BTBD9: variants seen among roughly 807,000 people sequenced by gnomAD.
The protein encoded by BTBD9 is BTB/POZ domain-containing protein 9.
Under a neutral mutation model 64.3 loss-of-function variants are expected in BTBD9, and 49 were observed. The ratio of observed to expected loss-of-function variants is 0.76; its 90% CI spans 0.61 to 0.97. The LOEUF is 0.97. Ranked by LOEUF, BTBD9 falls within the 50% of genes least tolerant of loss-of-function variation. The pLI is 0.00. For missense variants in BTBD9, 598 were observed against 762.1 expected (o/e 0.78, Z 2.53); for synonymous variants, 260 against 274.7 (o/e 0.95, Z 0.53).
intron 9 of BTBD9, among the ~76,000 whole-genome samples, chr6:38,202,622 C>T (rs1762506207): frequency 6.6e-6 from 1 of 152,048 alleles, no homozygotes; most frequent in Non-Finnish European, 1.5e-5. Flanking sequence ...TATCTACAGC[C>T]AACTGATACT....
chr6:38,285,257 A>G (rs1237583964), intron 8 of BTBD9, among the ~76,000 whole-genome samples: 1 of 152,162 alleles, frequency 6.6e-6, no homozygotes, highest in East Asian at 1.9e-4. Flanking sequence ...GGGACACAGA[A>G]GAGGGGAAGG....
intron 6 of BTBD9, among the ~76,000 whole-genome samples, chr6:38,352,993 C>A (rs1764582095): frequency 6.6e-6 from 1 of 152,142 alleles, no homozygotes; most frequent in Admixed American, 6.5e-5. Flanking sequence ...AAATAATTAT[C>A]CAATGATTGA....
intron 1 of BTBD9, among the ~76,000 whole-genome samples, chr6:38,602,015 G>A (rs964645339): frequency 1.2e-4 from 18 of 152,078 alleles, no homozygotes; most frequent in Non-Finnish European, 1.5e-5. Context: ...TCCACTGAAA[G>A]ATTTAAGAAA....
chr6:38,208,848 G>T (rs1022979243), intron 9 of BTBD9, among the ~76,000 whole-genome samples: 11 of 152,104 alleles, frequency 7.2e-5, no homozygotes, highest in African/African-American at 1.4e-4. Flanking sequence ...TAGGAAAAAT[G>T]GGGCCAAGTT....
intron 6 of BTBD9, among the ~76,000 whole-genome samples, chr6:38,389,212 A>G (rs956791905): frequency 6.6e-6 from 1 of 152,198 alleles, no homozygotes; most frequent in East Asian, 1.9e-4. Context: ...CCTTGCTGGG[A>G]AAGTTTCATT....
intron 1 of BTBD9, among the ~76,000 whole-genome samples, chr6:38,604,858 A>G (rs921494093): frequency 6.6e-6 from 1 of 152,164 alleles, no homozygotes; most frequent in African/African-American, 2.4e-5. Flanking sequence ...ATTAACACTT[A>G]TATTGATGTG....
chr6:38,345,137 AC>A, intron 6 of BTBD9, 44 bp from the exon 7 acceptor site: 1 of 1,279,220 alleles, frequency 7.8e-7, no homozygotes, highest in South Asian at 1.2e-5. Flanking sequence ...ATGAGCTCCC[AC>A]CACAACCAAT....
At chr6:38,408,949 C>A (rs1038209988) in intron 6 of BTBD9, among the ~76,000 whole-genome samples, 3 of 152,120 alleles carry the variant, frequency 2.0e-5, no homozygotes, top group Admixed American at 2.0e-4. Flanking sequence ...TAGAAAAAGA[C>A]CAAAGAGAAA....
chr6:38,574,820 C>A (rs1450121901), intron 6 of BTBD9, among the ~76,000 whole-genome samples: 2 of 151,692 alleles, frequency 1.3e-5, no homozygotes, highest in African/African-American at 4.8e-5. Context: ...TTGTTTTAAA[C>A]AAGAATTTGA....
At chr6:38,595,591 A>G (rs1361388632) in intron 2 of BTBD9, among the ~76,000 whole-genome samples, 1 of 152,180 alleles carries the variant, frequency 6.6e-6, no homozygotes, top group East Asian at 1.9e-4. Flanking sequence ...AAGTGAGAGG[A>G]AGAGACTGGA....
chr6:38,342,674 G>A (rs1016975774), intron 7 of BTBD9, among the ~76,000 whole-genome samples: 2 of 152,004 alleles, frequency 1.3e-5, no homozygotes, highest in African/African-American at 4.8e-5. Context: ...ATATTTCACA[G>A]GATATAAGAA....
chr6:38,290,104 G>T (rs1761900152), intron 7 of BTBD9, among the ~76,000 whole-genome samples: 1 of 150,194 alleles, frequency 6.7e-6, no homozygotes. Context: ...CATCTCGTAT[G>T]CCTTCACTAA....
chr6:38,345,145 C>T (rs1764231455), intron 6 of BTBD9, 52 bp from the exon 7 acceptor site: 1 of 1,209,410 alleles, frequency 8.3e-7, no homozygotes, highest in African/African-American at 1.5e-5. Flanking sequence ...CCACCACAAC[C>T]AATCCAAGGA....
At chr6:38,616,708 C>G (rs1004750914) in intron 1 of BTBD9, among the ~76,000 whole-genome samples, 2 of 152,078 alleles carry the variant, frequency 1.3e-5, no homozygotes, top group South Asian at 2.1e-4. Context: ...AGGACAGAAA[C>G]GAAACATGGG....
At chr6:38,212,934 A>G (rs772500004) in intron 9 of BTBD9, among the ~76,000 whole-genome samples, 15 of 152,178 alleles carry the variant, frequency 9.9e-5, no homozygotes, top group Non-Finnish European at 2.1e-4. Context: ...TTCAAATGTT[A>G]AGAATTTGGC....
At chr6:38,406,886 T>C (rs1582378107) in intron 6 of BTBD9, among the ~76,000 whole-genome samples, 1 of 152,084 alleles carries the variant, frequency 6.6e-6, no homozygotes, top group Admixed American at 6.5e-5. Flanking sequence ...TATAAGCGAG[T>C]GCCACTATGC....
chr6:38,426,018 T>A (rs1768132532), intron 6 of BTBD9, among the ~76,000 whole-genome samples: 1 of 151,494 alleles, frequency 6.6e-6, no homozygotes, highest in Non-Finnish European at 1.5e-5. Flanking sequence ...GCTACGTGTG[T>A]CATAATTCTT....
intron 6 of BTBD9, among the ~76,000 whole-genome samples, chr6:38,463,764 G>T (rs1023143350): frequency 1.3e-5 from 2 of 152,218 alleles, no homozygotes; most frequent in African/African-American, 4.8e-5. Context: ...GGGCATGGTG[G>T]CTCACGCCTA....
intron 7 of BTBD9, among the ~76,000 whole-genome samples, chr6:38,302,471 TC>T: frequency 8.3e-6 from 1 of 120,850 alleles, no homozygotes; most frequent in Middle Eastern, 4.2e-3. Flanking sequence ...TGAATAATAT[TC>T]CATTGTGTGT....
Sources: gnomAD v4.1 joint callset for allele counts (sites outside exome capture counted in the v4.1 genomes callset) on GRCh38, gnomAD v4.1.1 for gene constraint, MANE v1.5 for transcripts, NCBI Gene and HGNC (gene_info 2026-07-23, HGNC 2026-07-21) for gene names.